The following KDM3A variants were observed in gnomAD, a reference collection of about 807,000 sequenced individuals.
The protein encoded by KDM3A is lysine demethylase 3A, also known as lysine-specific demethylase 3A.
KDM3A carries 60 observed loss-of-function variants against 158.0 expected under a neutral mutation model. That is an observed-to-expected ratio of 0.38 (90% CI 0.31 to 0.47). The LOEUF is 0.47. Ranked by LOEUF, KDM3A falls within the 20% of genes least tolerant of loss-of-function variation. The probability of loss-of-function intolerance (pLI) is 0.99; values close to 1 mark genes in which losing one functional copy is unlikely to be tolerated. For missense variants in KDM3A, 1,319 were observed against 1,574.3 expected (o/e 0.84, Z 2.74); for synonymous variants, 608 against 549.3 (o/e 1.11, Z -1.49).
chr2:86,484,699 T>C (rs947917794), intron 19 of KDM3A: 1 of 430,370 alleles, frequency 2.3e-6, no homozygotes, highest in African/African-American at 2.0e-5. Flanking sequence ...TTTATTTTGC[T>C]GCACCTTGCT....
At chr2:86,444,810 A>G (rs1682889070) in intron 2 of KDM3A, among the ~76,000 whole-genome samples, 3 of 152,198 alleles carry the variant, frequency 2.0e-5, no homozygotes, top group Non-Finnish European at 4.4e-5. Context: ...AGGCTTGTTA[A>G]CTTTGTTTCA....
chr2:86,482,956 C>A, intron 18 of KDM3A: 1 of 446,996 alleles, frequency 2.2e-6, no homozygotes, highest in Non-Finnish European at 4.0e-6. Flanking sequence ...GGCATCCAGG[C>A]TTGGTGATTC....
chr2:86,467,159 A>T (rs145415577), intron 10 of KDM3A, among the ~76,000 whole-genome samples: 2 of 152,272 alleles, frequency 1.3e-5, no homozygotes, highest in East Asian at 3.9e-4. Context: ...GTAGGTGTCT[A>T]TTAGTATTTT....
At chr2:86,453,246 TA>T (rs1672544552) in intron 4 of KDM3A, among the ~76,000 whole-genome samples, 1 of 152,180 alleles carries the variant, frequency 6.6e-6, no homozygotes, top group Non-Finnish European at 1.5e-5. Flanking sequence ...GGGAGAACTA[TA>T]ATGTGTGGTC....
intron 20 of KDM3A, 22 bp downstream of exon 20, chr2:86,485,051 G>C: frequency 1.5e-6 from 2 of 1,301,700 alleles, no homozygotes; most frequent in Non-Finnish European, 2.2e-6. Context: ...AAGGTGGGGA[G>C]AGATGATTCT....
chr2:86,453,865 C>A (rs1672575323), intron 4 of KDM3A, among the ~76,000 whole-genome samples: 1 of 152,202 alleles, frequency 6.6e-6, no homozygotes, highest in Non-Finnish European at 1.5e-5. Flanking sequence ...ATCCATTTCA[C>A]AGTGGCAGAA....
Position 86,466,763 on chromosome 2 carries a change from T to G in KDM3A, c.1399T>G (p.Cys467Gly), listed in dbSNP as rs1200788576. 1.2e-6 allele frequency: 2 copies of G among 1,613,566 alleles called. No homozygotes were observed. The highest frequency in any genetic ancestry group is 1.7e-6 in the Non-Finnish European group (2 of 1,179,758). ...TGTCAATAGTGATAGCCCTAATAAC[T>G]GTTCAGGAAAAAAGGTAGAACCTTC... is the stretch of plus-strand genomic sequence containing the variant. ...AGVNSDSPNN[C>G]SGKKVEPSAL... The change falls in exon 10 of 26, where the codon TGT becomes GGT. Residue 467 changes from cysteine to glycine, a missense_variant. Physicochemically the swap from Cys to Gly is radical, Grantham distance 159. Transcript: ENST00000312912.
At chr2:86,455,953 CAAAAAAA>C (rs574299612) in intron 5 of KDM3A, among the ~76,000 whole-genome samples, 19 of 56,192 alleles carry the variant, frequency 3.4e-4, no homozygotes, top group African/African-American at 1.2e-3. Flanking sequence ...GACCCTGTCT[CAAAAAAA>C]AAAAAAAAAA....
chr2:86,458,158 A>C (rs1672782183), intron 8 of KDM3A, among the ~76,000 whole-genome samples: 1 of 152,166 alleles, frequency 6.6e-6, no homozygotes, highest in Admixed American at 6.5e-5. Flanking sequence ...GGGTTTCTTG[A>C]TTAAGGGCAG....
In KDM3A at chr2:86,448,660, C is replaced by G. The variant is rs527562253; in HGVS notation, c.187-1147C>G. On this transcript the variant is annotated intron_variant, in intron 2 of 25. Coordinates refer to ENST00000312912, the MANE Select transcript of KDM3A (RefSeq NM_018433.6). The stretch of plus-strand genomic sequence containing the variant: ...ATTGTGCTCTGATAGATGAAGTTAA[C>G]TAGTTAATAAACTGAAGGTTGAAAA... Among the ~76,000 whole-genome samples the G allele has an allele frequency of 4.6e-5, 7 of 152,154 alleles. No individual in the cohort carries two copies. In the South Asian group the frequency reaches 1.5e-3, roughly 32 times the overall value.
intron 2 of KDM3A, among the ~76,000 whole-genome samples, chr2:86,447,506 T>A (rs1683006280): frequency 1.3e-5 from 2 of 151,890 alleles, no homozygotes; most frequent in South Asian, 4.1e-4. Context: ...TTGAAGATCC[T>A]CTTTCCCCTG....
At chr2:86,477,813 CT>C in intron 12 of KDM3A, 63 bp from the exon 13 acceptor site, 1 of 1,479,538 alleles carries the variant, frequency 6.8e-7, no homozygotes, top group Non-Finnish European at 9.1e-7. Context: ...TAACCCCTAC[CT>C]TTCGTTTTTG....
chr2:86,467,631 C>G (rs1312135157), intron 10 of KDM3A, among the ~76,000 whole-genome samples: 1 of 152,150 alleles, frequency 6.6e-6, no homozygotes, highest in East Asian at 1.9e-4. Context: ...GTTAGAAGAA[C>G]AAAATGTTTT....
In KDM3A at chr2:86,456,822, T is replaced by C; in HGVS notation, c.699T>C (p.Ile233=). 1 of 1,611,954 alleles carries C rather than the reference T, an allele frequency of 6.2e-7. No homozygotes were observed. Among genetic ancestry groups the C allele is most frequent in the Non-Finnish European group, 8.5e-7 (1 of 1,178,330 alleles). Residue 233 remains isoleucine (I), a synonymous_variant, in exon 7 of 26, where the codon ATT becomes ATC. Transcript: ENST00000312912. The stretch of plus-strand genomic sequence containing the variant: ...TTTTTAAGATTCCAGCACTGAAAAT[T>C]GTTGATCCGTCACTGATTCATGTTG... ...VNCEEIPALK[I]VDPSLIHVEV... is the part of the protein sequence containing the mutation.
intron 16 of KDM3A, among the ~76,000 whole-genome samples, chr2:86,481,220 A>C (rs1295188236): frequency 6.6e-6 from 1 of 152,166 alleles, no homozygotes; most frequent in Admixed American, 6.5e-5. Flanking sequence ...GAGACATCAT[A>C]AATAGTCGTT....
At chr2:86,449,454 C>A (rs765147499) in intron 2 of KDM3A, among the ~76,000 whole-genome samples, 13 of 152,144 alleles carry the variant, frequency 8.5e-5, no homozygotes, top group African/African-American at 1.4e-4. Flanking sequence ...TTTTGAGTTT[C>A]AAATTTTTGT....
At chr2:86,472,597 T>C (rs1005864158) in intron 11 of KDM3A, among the ~76,000 whole-genome samples, 4 of 152,220 alleles carry the variant, frequency 2.6e-5, no homozygotes, top group Admixed American at 2.6e-4. Flanking sequence ...TCATTTTGAC[T>C]GCTTGAAATA....
At chr2:86,447,048 G>A (rs1682984973) in intron 2 of KDM3A, among the ~76,000 whole-genome samples, 1 of 152,194 alleles carries the variant, frequency 6.6e-6, no homozygotes, top group Non-Finnish European at 1.5e-5. Context: ...CTGGACTCGA[G>A]TGATCCTCCT....
intron 17 of KDM3A, 94 bp from the exon 18 acceptor site, chr2:86,482,364 T>G: frequency 6.5e-7 from 1 of 1,542,762 alleles, no homozygotes; most frequent in Non-Finnish European, 8.7e-7. Flanking sequence ...GCTTGGAATC[T>G]TCTGGATATG....
Sources: gnomAD v4.1 joint callset for allele counts (sites outside exome capture counted in the v4.1 genomes callset) on GRCh38, gnomAD v4.1.1 for gene constraint, MANE v1.5 for transcripts, NCBI Gene and HGNC (gene_info 2026-07-23, HGNC 2026-07-21) for gene names.